Variants in EXT2 observed in about 807,000 individuals in gnomAD.
EXT2 encodes the protein exostosin glycosyltransferase 2.
A neutral mutation model predicts 81.6 loss-of-function variants in EXT2; 53 were observed. The observed-to-expected ratio is 0.65, with a 90% confidence interval of 0.52 to 0.82. The LOEUF (loss-of-function observed/expected upper bound fraction) is 0.82, where lower values mean the gene tolerates loss of function less well. Ranked by LOEUF, EXT2 falls within the 40% of genes least tolerant of loss-of-function variation. The pLI is 0.00. For missense variants in EXT2, 774 were observed against 910.2 expected (o/e 0.85, Z 1.93); for synonymous variants, 320 against 340.0 (o/e 0.94, Z 0.65).
At chr11:44,132,016 G>C (rs566025858) in intron 7 of EXT2, among the ~76,000 whole-genome samples, 1 of 152,318 alleles carries the variant, frequency 6.6e-6, no homozygotes, top group Admixed American at 6.5e-5. Context: ...GATTATAGGC[G>C]TGAGCCACCA....
intron 4 of EXT2, among the ~76,000 whole-genome samples, chr11:44,118,151 T>G (rs144146645): frequency 6.6e-6 from 1 of 152,364 alleles, no homozygotes; most frequent in African/African-American, 2.4e-5. Context: ...ACATTCAGAT[T>G]AACATAATTG....
intron 7 of EXT2, among the ~76,000 whole-genome samples, chr11:44,164,311 T>C (rs1954964346): frequency 6.6e-6 from 1 of 152,236 alleles, no homozygotes; most frequent in Admixed American, 6.5e-5. Flanking sequence ...CCTTGTCTAA[T>C]AGTTCCTTCA....
chr11:44,147,656 G>A (rs577021937), intron 7 of EXT2, among the ~76,000 whole-genome samples: 1 of 151,966 alleles, frequency 6.6e-6, no homozygotes, highest in Admixed American at 6.5e-5. Flanking sequence ...CGCCTCCCGG[G>A]TTCACGCCAT....
At chr11:44,137,476 A>G (rs1449837951) in intron 7 of EXT2, among the ~76,000 whole-genome samples, 2 of 151,840 alleles carry the variant, frequency 1.3e-5, no homozygotes, top group Middle Eastern at 3.4e-3. Context: ...GCCAGTTTTA[A>G]TTGGTTTGGT....
chr11:44,173,232 T>C (rs1364162725), intron 8 of EXT2, among the ~76,000 whole-genome samples: 1 of 152,168 alleles, frequency 6.6e-6, no homozygotes, highest in Non-Finnish European at 1.5e-5. Flanking sequence ...AGTCAGTATG[T>C]GCGTATGGTA....
intron 8 of EXT2, among the ~76,000 whole-genome samples, chr11:44,174,396 G>A (rs936049371): frequency 2.0e-5 from 3 of 151,460 alleles, no homozygotes; most frequent in Non-Finnish European, 4.4e-5. Flanking sequence ...TGTCTTTCTG[G>A]TAGAATTTAC....
intron 7 of EXT2, among the ~76,000 whole-genome samples, chr11:44,146,253 G>C (rs1023254899): frequency 1.3e-5 from 2 of 152,176 alleles, no homozygotes; most frequent in South Asian, 4.1e-4. Context: ...CTTTGAAAAG[G>C]CCCTTTCTCT....
At chr11:44,141,269 G>A (rs1332670386) in intron 7 of EXT2, among the ~76,000 whole-genome samples, 3 of 152,198 alleles carry the variant, frequency 2.0e-5, no homozygotes, top group Non-Finnish European at 4.4e-5. Flanking sequence ...GGGAATAAGT[G>A]AAAGGAAGAA....
Position 44,107,675 on chromosome 11 carries a change from G to T in EXT2, c.-30-8G>T. The T allele has an allele frequency of 6.2e-7, 1 of 1,600,060 alleles. No homozygotes were observed. Among genetic ancestry groups the T allele is most frequent in the Non-Finnish European group, 8.5e-7 (1 of 1,170,020 alleles). The stretch of plus-strand genomic sequence containing the variant: ...TTGGTTTTTCTTATTTCTCTCCCTG[G>T]TGACCAGGAGTGTGAGGAAGAGGCT... On this transcript the variant is annotated splice_polypyrimidine_tract_variant and splice_region_variant and intron_variant, in intron 1 of 13. Coordinates refer to ENST00000533608, the MANE Select transcript of EXT2 (RefSeq NM_207122.2).
intron 8 of EXT2, among the ~76,000 whole-genome samples, chr11:44,189,386 T>G (rs1352696943): frequency 6.6e-6 from 1 of 152,244 alleles, no homozygotes; most frequent in Admixed American, 6.5e-5. Context: ...TAGTCTGTTC[T>G]CACATCACTG....
Position 44,207,055 on chromosome 11 carries a change from A to G in EXT2, c.1662+96A>G, listed in dbSNP as rs1261965040. On this transcript the variant is annotated intron_variant, in intron 10 of 13. Coordinates refer to ENST00000533608, the MANE Select transcript of EXT2 (RefSeq NM_207122.2). ...AAGAGTATTATATTTCCTTCTTAAAAGTCAGAGTTTCTAAAATCTTCCAGT... is the reference window on the plus strand; with the variant it reads ...AAGAGTATTATATTTCCTTCTTAAAGGTCAGAGTTTCTAAAATCTTCCAGT... 3.6e-6 allele frequency: 5 copies of G among 1,403,458 alleles called. No individual in the cohort carries two copies. The African/African-American group carries it at 4.3e-5, about 12-fold the overall frequency. 86.9% of individuals were successfully genotyped at this position (1,403,458 alleles called of 1,614,324 possible).
At chr11:44,208,198 A>ATTT (rs34432174) in intron 10 of EXT2, among the ~76,000 whole-genome samples, 2 of 145,390 alleles carry the variant, frequency 1.4e-5, no homozygotes, top group East Asian at 4.0e-4. Context: ...AAAAAGACTA[A>ATTT]TTTTTTTTTT....
Position 44,124,795 on chromosome 11 carries a change from G to A in EXT2, c.750G>A (p.Arg250=). The A allele has an allele frequency of 6.2e-7, 1 of 1,613,968 alleles. No homozygotes were observed. Among genetic ancestry groups the A allele is most frequent in the Non-Finnish European group, 8.5e-7 (1 of 1,179,970 alleles). Residue 250 remains arginine, a synonymous_variant, in exon 5 of 14, where the codon CGG becomes CGA. Coordinates refer to ENST00000533608, the MANE Select transcript of EXT2 (RefSeq NM_207122.2). The part of the protein sequence containing the change: ...VDLPEKGPGP[R]QYFLLSSQVG... ...CTGTTTTTTTCCCTTGTAGTCCACG[G>A]CAATACTTCCTCCTGTCATCTCAGG...
intron 10 of EXT2, among the ~76,000 whole-genome samples, chr11:44,222,338 C>G (rs1280032678): frequency 6.6e-6 from 1 of 152,182 alleles, no homozygotes; most frequent in Admixed American, 6.5e-5. Context: ...CAGTGTGGTC[C>G]ATTCATGCAA....
intron 10 of EXT2, among the ~76,000 whole-genome samples, chr11:44,226,609 G>T (rs918521749): frequency 1.3e-5 from 2 of 152,212 alleles, no homozygotes; most frequent in Non-Finnish European, 2.9e-5. Context: ...GGTGAGCTTT[G>T]TTCCCAGAGG....
In EXT2 at chr11:44,144,291, T is replaced by A; in HGVS notation, c.1173+14153T>A. The A allele has an allele frequency of 1.9e-6, 3 of 1,598,426 alleles. No individual in the cohort carries two copies. The South Asian group carries it at 3.3e-5, about 18-fold the overall frequency. On this transcript the variant is annotated intron_variant, in intron 7 of 13. Coordinates refer to ENST00000533608, the MANE Select transcript of EXT2 (RefSeq NM_207122.2). ...GGAGAGAGAACTGGTCAGCTGCTAA[T>A]CACCAAATGAACTCCCTGATCTGGC...
rs989742419 is a variant in EXT2 at position 44,248,266 on chromosome 11, A to G, written c.*3979A>G. ...GAGTAGAGAATGCTAAACTGGCCCC[A>G]TGTCTCCTCCAGCCACTTCCTGAGG... is the stretch of plus-strand genomic sequence containing the variant. On this transcript the variant is annotated 3_prime_UTR_variant, in exon 14 of 14. Coordinates refer to ENST00000533608, the MANE Select transcript of EXT2 (RefSeq NM_207122.2). Among the ~76,000 whole-genome samples, 2 of 152,206 alleles carry G rather than the reference A, an allele frequency of 1.3e-5. No individual in the cohort carries two copies. Among genetic ancestry groups the G allele is most frequent in the Admixed American group, 6.5e-5 (1 of 15,278 alleles).
chr11:44,210,190 C>T (rs540966038), intron 10 of EXT2, among the ~76,000 whole-genome samples: 133 of 152,198 alleles, frequency 8.7e-4, no homozygotes, highest in African/African-American at 3.1e-3. Context: ...AATATTTGTA[C>T]GCTAACATTC....
At chr11:44,208,109 G>A (rs1382759632) in intron 10 of EXT2, among the ~76,000 whole-genome samples, 1 of 151,988 alleles carries the variant, frequency 6.6e-6, no homozygotes, top group East Asian at 1.9e-4. Flanking sequence ...AGTGTCTAGG[G>A]TGTTGGATGA....
Sources: allele counts gnomAD v4.1 joint callset (sites outside exome capture counted in the v4.1 genomes callset), GRCh38; gene constraint gnomAD v4.1.1; transcripts MANE v1.5; gene names NCBI Gene and HGNC (gene_info 2026-07-23, HGNC 2026-07-21).